Variants in SNX9 observed in about 807,000 individuals in gnomAD.
SNX9 encodes sorting nexin-9.
In SNX9, 44 loss-of-function variants were observed where a neutral mutation model predicts 89.4. The observed-to-expected ratio is 0.49, with a 90% CI of 0.39 to 0.63. SNX9 has a LOEUF of 0.63. Ranked by LOEUF, SNX9 falls within the 30% of genes least tolerant of loss-of-function variation. The pLI, the probability that SNX9 is intolerant of heterozygous loss-of-function variation, is 0.00. For missense variants in SNX9, 578 were observed against 736.1 expected (o/e 0.79, Z 2.49); for synonymous variants, 236 against 247.8 (o/e 0.95, Z 0.45).
At chr6:157,883,848 T>G (rs577242479) in intron 4 of SNX9, among the ~76,000 whole-genome samples, 1 of 152,350 alleles carries the variant, frequency 6.6e-6, no homozygotes, top group Admixed American at 6.5e-5. Flanking sequence ...TTTGTGACTC[T>G]TATACAAATT....
chr6:157,823,271 G>T lies in SNX9; in HGVS notation c.-164G>T. 1 of 403,286 alleles carries T rather than the reference G, an allele frequency of 2.5e-6. No homozygotes were observed. Among genetic ancestry groups the T allele is most frequent in the South Asian group, 9.1e-5 (1 of 11,008 alleles). The allele number at this position is 403,286 out of a possible 1,614,324, so 25.0% of individuals were successfully genotyped here. On this transcript the variant is annotated 5_prime_UTR_variant, in exon 1 of 18. Transcript: ENST00000392185. This position sits in a 1 kb window ranked among gnomAD's most constrained non-coding sequence, Gnocchi z 4.6. ...GGGAGTAGCCGAGCGCCCAGCGGCT[G>T]GGCCTGAGCGTCGAGACTCGGGGCC...
At chr6:157,938,313 C>A (rs978637015) in intron 15 of SNX9, among the ~76,000 whole-genome samples, 1 of 152,224 alleles carries the variant, frequency 6.6e-6, no homozygotes, top group Admixed American at 6.5e-5. Flanking sequence ...CCTGCTAATG[C>A]CTGATTTCCA....
intron 1 of SNX9, among the ~76,000 whole-genome samples, chr6:157,842,375 G>C (rs1781719386): frequency 6.6e-6 from 1 of 152,148 alleles, no homozygotes; most frequent in African/African-American, 2.4e-5. Flanking sequence ...GTTGACTCCA[G>C]TGCTCTTATC....
chr6:157,938,009 G>T (rs1223478773), intron 15 of SNX9, among the ~76,000 whole-genome samples: 1 of 152,248 alleles, frequency 6.6e-6, no homozygotes, highest in Non-Finnish European at 1.5e-5. Flanking sequence ...AGCAGCATCA[G>T]AGTTGTAGGC....
At chr6:157,942,766 T>A in intron 17 of SNX9, 25 bp from the exon 18 acceptor site, 1 of 1,613,576 alleles carries the variant, frequency 6.2e-7, no homozygotes, top group Non-Finnish European at 8.5e-7. Flanking sequence ...TATCTCAACG[T>A]TGTTTTGTTT....
intron 1 of SNX9, among the ~76,000 whole-genome samples, chr6:157,862,118 CAACTGCATTTGATAGCAGTTCACTGA>C (rs1348711947): frequency 1.1e-4 from 16 of 152,176 alleles, no homozygotes; most frequent in Non-Finnish European, 1.5e-5. Context: ...TAATATTTTC[CAACTGCATTTGATAGCAGTTCACTGA>C]AACCGAGGAA....
intron 4 of SNX9, among the ~76,000 whole-genome samples, chr6:157,894,106 C>CTTTTTTTTTTTTTTTTTTTT (rs746909411): frequency 4.5e-5 from 4 of 89,564 alleles, no homozygotes; most frequent in Admixed American, 1.2e-4. Flanking sequence ...CTTTTCTTTT[C>CTTTTTTTTTTTTTTTTTTTT]TTTTTTTTTT....
At chr6:157,915,637 A>T (rs1455001421) in intron 9 of SNX9, among the ~76,000 whole-genome samples, 6 of 98,662 alleles carry the variant, frequency 6.1e-5, no homozygotes, top group African/African-American at 2.1e-4. Flanking sequence ...AAAAAAAAAA[A>T]AAAATATATA....
At chr6:157,836,899 A>T (rs1352818864) in intron 1 of SNX9, among the ~76,000 whole-genome samples, 1 of 152,104 alleles carries the variant, frequency 6.6e-6, no homozygotes, top group East Asian at 1.9e-4. Context: ...CCGAGAACAC[A>T]CATTTCTACC....
chr6:157,933,484 A>C (rs970492210), intron 13 of SNX9, among the ~76,000 whole-genome samples: 2 of 152,180 alleles, frequency 1.3e-5, no homozygotes, highest in African/African-American at 4.8e-5. Context: ...AAAATGTAAG[A>C]TTTAGGGCTC....
At chr6:157,825,532 C>G (rs539365578) in intron 1 of SNX9, among the ~76,000 whole-genome samples, 11 of 151,786 alleles carry the variant, frequency 7.2e-5, no homozygotes, top group Non-Finnish European at 1.5e-4. Flanking sequence ...AGCCTTAAAG[C>G]ATGCGTAAGG....
At chr6:157,928,124 T>A (rs1011280400) in intron 11 of SNX9, among the ~76,000 whole-genome samples, 2 of 152,240 alleles carry the variant, frequency 1.3e-5, no homozygotes, top group Non-Finnish European at 2.9e-5. Context: ...TATATTGTGA[T>A]CTTTTCAGGT....
At chr6:157,916,242 G>C (rs960887802) in intron 9 of SNX9, among the ~76,000 whole-genome samples, 16 of 152,094 alleles carry the variant, frequency 1.1e-4, no homozygotes, top group Admixed American at 6.5e-5. Context: ...CACTGTGTTA[G>C]CCAGGATGGT....
intron 17 of SNX9, among the ~76,000 whole-genome samples, chr6:157,941,934 T>C (rs567820131): frequency 6.6e-6 from 1 of 152,368 alleles, no homozygotes; most frequent in South Asian, 2.1e-4. Flanking sequence ...TTGGTGCCAT[T>C]GTGGATTTGC....
intron 1 of SNX9, among the ~76,000 whole-genome samples, chr6:157,852,022 G>A (rs1781924852): frequency 1.3e-5 from 2 of 152,094 alleles, no homozygotes; most frequent in Admixed American, 1.3e-4. Context: ...TTATTCATCC[G>A]TTGATGGACA....
intron 14 of SNX9, among the ~76,000 whole-genome samples, chr6:157,936,573 A>G (rs776256243): frequency 2.0e-5 from 3 of 152,358 alleles, no homozygotes; most frequent in East Asian, 3.9e-4. Flanking sequence ...GTTCTTAGCC[A>G]TCAGGGGATT....
At chr6:157,866,356 T>A (rs1782260848) in intron 1 of SNX9, among the ~76,000 whole-genome samples, 1 of 152,148 alleles carries the variant, frequency 6.6e-6, no homozygotes, top group Non-Finnish European at 1.5e-5. Flanking sequence ...GGAAGATCTC[T>A]TGAGCCCAGG....
chr6:157,898,744 C>T (rs1031883490), intron 5 of SNX9, among the ~76,000 whole-genome samples: 9 of 152,164 alleles, frequency 5.9e-5, no homozygotes, highest in African/African-American at 1.9e-4. Context: ...ACCCTGTCTC[C>T]TCTGTAAGCA....
chr6:157,941,156 A>G (rs1784027975), intron 17 of SNX9, among the ~76,000 whole-genome samples, 182 bp downstream of exon 17: 1 of 152,234 alleles, frequency 6.6e-6, no homozygotes, highest in Non-Finnish European at 1.5e-5. Context: ...CTTTTTGGAT[A>G]ACACTGGGTT....
Sources: gnomAD v4.1 joint callset for allele counts (sites outside exome capture counted in the v4.1 genomes callset) on GRCh38, gnomAD v4.1.1 for gene constraint, Gnocchi (gnomAD v3.1) non-coding constraint, MANE v1.5 for transcripts, NCBI Gene and HGNC (gene_info 2026-07-23, HGNC 2026-07-21) for gene names.